The following PAH variants were observed in gnomAD, a reference collection of about 807,000 sequenced individuals.
PAH encodes phenylalanine hydroxylase.
In PAH, 64 loss-of-function variants were observed where a neutral mutation model predicts 62.0. That is an observed-to-expected ratio of 1.03 (90% confidence interval 0.84 to 1.27). The LOEUF (loss-of-function observed/expected upper bound fraction) is 1.27. Ranked by LOEUF, PAH falls within the 50% of genes most tolerant of loss-of-function variation. The pLI is 0.00. For synonymous variants in PAH, 195 were observed against 196.2 expected (o/e 0.99, Z 0.05); for missense variants, 579 against 542.8 (o/e 1.07, Z -0.66).
intron 1 of PAH, among the ~76,000 whole-genome samples, chr12:102,948,643 T>C (rs1879602548): frequency 6.6e-6 from 1 of 152,218 alleles, no homozygotes. Context: ...TATTAACATA[T>C]TTACATGGCT....
chr12:102,877,227 G>A, intron 4 of PAH: 1 of 569,828 alleles, frequency 1.8e-6, no homozygotes, highest in Non-Finnish European at 3.2e-6. Flanking sequence ...AGTATATAGA[G>A]ACAATAGTTT....
chr12:102,931,265 A>C (rs1025703525), intron 1 of PAH, among the ~76,000 whole-genome samples: 2 of 152,126 alleles, frequency 1.3e-5, no homozygotes, highest in Non-Finnish European at 2.9e-5. Flanking sequence ...GGCTTCCAAA[A>C]TTTGTAGGTA....
chr12:102,868,338 A>T (rs915859041), intron 4 of PAH, among the ~76,000 whole-genome samples: 5 of 151,456 alleles, frequency 3.3e-5, no homozygotes, highest in Admixed American at 6.6e-5. Flanking sequence ...GAAGGGAGGG[A>T]AGATAGGAGT....
chr12:102,921,488 G>A (rs78884568), upstream of PAH, among the ~76,000 whole-genome samples: 2,123 of 152,192 alleles, frequency 0.014, 29 homozygotes, highest in Middle Eastern at 0.027. Context: ...TTGTCAACTG[G>A]TGTCCTTCCT....
chr12:102,943,936 C>T (rs932468551), intron 1 of PAH, among the ~76,000 whole-genome samples: 4 of 152,114 alleles, frequency 2.6e-5, no homozygotes, highest in African/African-American at 9.7e-5. Flanking sequence ...ATACTATGTT[C>T]CCTACATGGG....
chr12:102,842,602 C>A (rs2136634441), intron 11 of PAH, among the ~76,000 whole-genome samples: 1 of 152,134 alleles, frequency 6.6e-6, no homozygotes, highest in South Asian at 2.1e-4. Flanking sequence ...TTTTACCTTT[C>A]TTTGTGAGGG....
intron 1 of PAH, among the ~76,000 whole-genome samples, chr12:102,949,829 C>T (rs987899972): frequency 6.6e-6 from 1 of 152,078 alleles, no homozygotes; most frequent in Non-Finnish European, 1.5e-5. Flanking sequence ...GAAGATTCTC[C>T]ATGGTTGCCC....
At chr12:102,859,409 G>C (rs1442934508) in intron 5 of PAH, among the ~76,000 whole-genome samples, 1 of 152,152 alleles carries the variant, frequency 6.6e-6, no homozygotes, top group Non-Finnish European at 1.5e-5. Context: ...GGAGGAGCTG[G>C]TACCATTCCT....
At chr12:102,844,097 C>T (rs1874719887) in intron 10 of PAH, among the ~76,000 whole-genome samples, 1 of 152,056 alleles carries the variant, frequency 6.6e-6, no homozygotes, top group Non-Finnish European at 1.5e-5. Context: ...ATAGGTCAGC[C>T]TTGGAATCAG....
chr12:102,929,459 A>G (rs73393554), intron 1 of PAH, among the ~76,000 whole-genome samples: 4,815 of 152,274 alleles, frequency 0.032, 263 homozygotes, highest in African/African-American at 0.11. Flanking sequence ...CAAAGGTCAT[A>G]TTGCAGAAAC....
At chr12:102,867,826 TCTCTCTCTCCCC>T (rs1017912893) in intron 4 of PAH, among the ~76,000 whole-genome samples, 1 of 143,456 alleles carries the variant, frequency 7.0e-6, no homozygotes, top group African/African-American at 2.6e-5. Flanking sequence ...TTTCTCTCTC[TCTCTCTCTCCCC>T]CTCTCTCTCT....
At chr12:102,956,131 T>C (rs556889374) in intron 1 of PAH, among the ~76,000 whole-genome samples, 80 of 152,318 alleles carry the variant, frequency 5.3e-4, no homozygotes, top group African/African-American at 1.7e-3. Context: ...GAACCAATTA[T>C]CCGGATAATT....
rs138445652 is a variant in PAH, at chr12:102,895,975, G to A, written c.169-1057C>T. Among the ~76,000 whole-genome samples the A allele has an allele frequency of 6.1e-4, 92 of 151,308 alleles. 1 individual carries two copies. Among genetic ancestry groups the A allele is most frequent in the Non-Finnish European group, 1.1e-3 (75 of 67,920 alleles). On this transcript the variant is annotated intron_variant, in intron 2 of 12. Transcript: ENST00000553106. ...AACAGTGGCCAATCATCCTTCTAGC[G>A]GCTTGGGATCCACCAGTGAACAAAA... is the stretch of plus-strand genomic sequence containing the variant.
At chr12:102,890,331 C>T (rs921153649) in intron 3 of PAH, among the ~76,000 whole-genome samples, 11 of 152,152 alleles carry the variant, frequency 7.2e-5, no homozygotes, top group African/African-American at 2.2e-4. Context: ...TACTACAATG[C>T]TTTTCTTCCT....
intron 5 of PAH, among the ~76,000 whole-genome samples, chr12:102,856,948 A>G (rs769702171): frequency 5.3e-5 from 8 of 152,262 alleles, no homozygotes; most frequent in Non-Finnish European, 1.2e-4. Context: ...AAAGGAACAC[A>G]GCTCCTCGCC....
intron 8 of PAH, among the ~76,000 whole-genome samples, chr12:102,847,676 A>G (rs1487163509): frequency 1.3e-5 from 2 of 152,254 alleles, no homozygotes; most frequent in Non-Finnish European, 2.9e-5. Flanking sequence ...TTTGGAAAGA[A>G]GAAACAAAAG....
At chr12:102,839,348 G>T in intron 12 of PAH, 130 bp from the exon 13 acceptor site, 1 of 805,550 alleles carries the variant, frequency 1.2e-6, no homozygotes, top group Non-Finnish European at 2.2e-6. Flanking sequence ...CAACTTTCAA[G>T]GAGCTTACAG....
chr12:102,869,877 C>T (rs917511383), intron 4 of PAH, among the ~76,000 whole-genome samples: 1 of 152,190 alleles, frequency 6.6e-6, no homozygotes, highest in Non-Finnish European at 1.5e-5. Flanking sequence ...GACTGATCAC[C>T]CTGTCTCAAT....
At chr12:102,941,364 C>T (rs1879281486) in intron 1 of PAH, among the ~76,000 whole-genome samples, 1 of 152,122 alleles carries the variant, frequency 6.6e-6, no homozygotes, top group Non-Finnish European at 1.5e-5. Flanking sequence ...CACAGAGTAG[C>T]AAGCTGGATA....
Sources: allele counts gnomAD v4.1 joint callset (sites outside exome capture counted in the v4.1 genomes callset), GRCh38; gene constraint gnomAD v4.1.1; transcripts MANE v1.5; gene names NCBI Gene and HGNC (gene_info 2026-07-23, HGNC 2026-07-21).